CNTN4: variants seen among roughly 807,000 people sequenced by gnomAD.
CNTN4 encodes contactin 4.
Under a neutral mutation model 122.5 loss-of-function variants are expected in CNTN4, and 77 were observed. The ratio of observed to expected loss-of-function variants is 0.63; its 90% CI spans 0.52 to 0.76. CNTN4 has a LOEUF of 0.76. CNTN4 is among the 30% of genes least tolerant of loss of function. The probability of loss-of-function intolerance (pLI) is 0.00; values close to 1 mark genes in which losing one functional copy is unlikely to be tolerated. For synonymous variants in CNTN4, 512 were observed against 447.0 expected (o/e 1.15, Z -1.83); for missense variants, 1,256 against 1,259.1 (o/e 1.00, Z 0.04).
intron 3 of CNTN4, among the ~76,000 whole-genome samples, chr3:2,400,428 C>CATACATATATAT (rs1156582228): frequency 2.8e-4 from 27 of 95,824 alleles, no homozygotes; most frequent in Non-Finnish European, 4.4e-4. Flanking sequence ...TATATATATA[C>CATACATATATAT]ATATATATAT....
chr3:2,845,439 T>C (rs2093439803), intron 7 of CNTN4, among the ~76,000 whole-genome samples: 2 of 152,086 alleles, frequency 1.3e-5, no homozygotes, highest in South Asian at 4.1e-4. Context: ...ACTTTATTAG[T>C]AAATAAAGAT....
intron 6 of CNTN4, among the ~76,000 whole-genome samples, chr3:2,768,744 AATAGTT>A (rs1186089776): frequency 1.3e-5 from 2 of 152,210 alleles, no homozygotes; most frequent in Non-Finnish European, 2.9e-5. Flanking sequence ...AAAAATAACT[AATAGTT>A]AAGTTGTCTA....
At chr3:2,988,797 C>A in intron 14 of CNTN4, 1 of 306,998 alleles carries the variant, frequency 3.3e-6, no homozygotes, top group South Asian at 3.6e-5. Flanking sequence ...AAATTCATGT[C>A]TAGGAACACT....
At chr3:2,677,787 A>G (rs1258479328) in intron 4 of CNTN4, among the ~76,000 whole-genome samples, 2 of 152,144 alleles carry the variant, frequency 1.3e-5, no homozygotes, top group Non-Finnish European at 2.9e-5. Context: ...AAAAGGAGTG[A>G]ATGTTAGAAA....
chr3:3,021,414 G>A lies in CNTN4; in HGVS notation c.1487-4688G>A, dbSNP rs144806067. ...ATGATTAAAAATAATTCTCTGACCAGTCCCCTTATGTCATCTGAGGTTTGC... is the reference window on the plus strand; with the variant it reads ...ATGATTAAAAATAATTCTCTGACCAATCCCCTTATGTCATCTGAGGTTTGC... On this transcript the variant is annotated intron_variant, in intron 14 of 24. Transcript: ENST00000418658. Among the ~76,000 whole-genome samples, 647 of 152,254 alleles carry A rather than the reference G, an allele frequency of 4.2e-3. 5 individuals carry two copies. Among genetic ancestry groups the A allele is most frequent in the Non-Finnish European group, 5.6e-3 (379 of 68,022 alleles).
At chr3:2,924,084 T>C (rs948614917) in intron 12 of CNTN4, among the ~76,000 whole-genome samples, 5 of 152,134 alleles carry the variant, frequency 3.3e-5, no homozygotes, top group African/African-American at 1.2e-4. Context: ...CTAGATTCAT[T>C]TTTAAAATTT....
chr3:2,708,531 CA>C (rs2086883617), intron 4 of CNTN4, among the ~76,000 whole-genome samples: 4 of 152,292 alleles, frequency 2.6e-5, no homozygotes, highest in Admixed American at 2.6e-4. Flanking sequence ...GCAATCACTT[CA>C]GTGACAAAAC....
At chr3:2,349,813 A>G (rs1559475785) in intron 3 of CNTN4, among the ~76,000 whole-genome samples, 1 of 152,310 alleles carries the variant, frequency 6.6e-6, no homozygotes, top group East Asian at 1.9e-4. Flanking sequence ...TATATAACAC[A>G]TTGAGAATGT....
chr3:2,170,081 G>C (rs190728169), intron 2 of CNTN4, among the ~76,000 whole-genome samples: 1 of 152,086 alleles, frequency 6.6e-6, no homozygotes, highest in African/African-American at 2.4e-5. Context: ...CAGCACTTTG[G>C]GAGGCCGAGG....
At chr3:2,825,765 G>A (rs1576951917) in intron 7 of CNTN4, among the ~76,000 whole-genome samples, 3 of 152,268 alleles carry the variant, frequency 2.0e-5, no homozygotes. Context: ...ATTGGTGAAT[G>A]TATGGCTTCC....
In CNTN4 at chr3:2,600,711, T is replaced by TACCCTTTGGGTATAG. The variant is rs2081004172; in HGVS notation, c.55+29157_55+29158insTTTGGGTATAGACCC. On this transcript the variant is annotated intron_variant, in intron 4 of 24. Coordinates refer to ENST00000418658, the MANE Select transcript of CNTN4 (RefSeq NM_175607.3). ...CATGATTTATAGTCCTTTGGGTATA[T>TACCCTTTGGGTATAG]ACCCAGTAATGGGATGGCTGGGTCA... 3.9e-5 allele frequency among the ~76,000 whole-genome samples: 6 copies of TACCCTTTGGGTATAG among 152,362 alleles called. No homozygotes were observed. In the South Asian group the frequency reaches 1.2e-3, roughly 32 times the overall value.
chr3:2,665,903 TC>T (rs1260748844), intron 4 of CNTN4, among the ~76,000 whole-genome samples: 1 of 152,224 alleles, frequency 6.6e-6, no homozygotes, highest in Non-Finnish European at 1.5e-5. Context: ...CTGCCTTTTT[TC>T]GAAGGTTAGT....
intron 2 of CNTN4, among the ~76,000 whole-genome samples, chr3:2,292,745 T>C (rs2042179515): frequency 1.3e-5 from 2 of 152,222 alleles, no homozygotes; most frequent in African/African-American, 2.4e-5. Context: ...ATCAGTAGTG[T>C]GATCTTTTTC....
At chr3:2,119,793 A>G (rs1423786489) in intron 2 of CNTN4, among the ~76,000 whole-genome samples, 1 of 149,902 alleles carries the variant, frequency 6.7e-6, no homozygotes, top group East Asian at 2.0e-4. Flanking sequence ...AAAGAAAAGA[A>G]GTGGATATGG....
intron 4 of CNTN4, among the ~76,000 whole-genome samples, chr3:2,720,035 T>A (rs1026987267): frequency 1.3e-5 from 2 of 152,120 alleles, no homozygotes; most frequent in Non-Finnish European, 2.9e-5. Flanking sequence ...TTAACTCAAG[T>A]GTCTATCTTC....
chr3:2,470,816 G>A (rs780179023), intron 3 of CNTN4, among the ~76,000 whole-genome samples: 25 of 152,198 alleles, frequency 1.6e-4, no homozygotes, highest in South Asian at 8.3e-4. Context: ...AAGCTGAACT[G>A]AGGAAAGTTT....
chr3:2,386,198 A>C (rs1218566443), intron 3 of CNTN4, among the ~76,000 whole-genome samples: 1 of 151,560 alleles, frequency 6.6e-6, no homozygotes, highest in Non-Finnish European at 1.5e-5. Flanking sequence ...TTGAACTCAA[A>C]CATTCTCTGA....
Position 2,735,910 on chromosome 3 carries a change from G to T in CNTN4, c.56-305G>T, listed in dbSNP as rs188645941. The T allele has an allele frequency of 5.8e-4, 300 of 517,102 alleles. 1 individual carries two copies. The highest frequency in any genetic ancestry group is 5.4e-3 in the African/African-American group (285 of 52,442). 32.0% of individuals were successfully genotyped at this position (517,102 alleles called of 1,614,324 possible). On this transcript the variant is annotated intron_variant, in intron 4 of 24. Transcript: ENST00000418658. ...CGGGAAGCACAAAGTAAAGGGGTAG[G>T]CTAAAGACAAGCAGAACAATACATA... is the stretch of plus-strand genomic sequence containing the variant.
rs538093166 is a variant in CNTN4, at chr3:2,700,670, G to T, written c.56-35545G>T. Among the ~76,000 whole-genome samples the T allele has an allele frequency of 1.1e-4, 17 of 151,980 alleles. No homozygotes were observed. The South Asian group carries it at 3.5e-3, about 32-fold the overall frequency. The stretch of plus-strand genomic sequence containing the variant: ...TCCCCTGGCAAAAAAAAAAAGAAAG[G>T]ATTTTATCATCTATATGGATCAATT... On this transcript the variant is annotated intron_variant, in intron 4 of 24. Transcript: ENST00000418658.
Sources: allele counts gnomAD v4.1 joint callset (sites outside exome capture counted in the v4.1 genomes callset), GRCh38; gene constraint gnomAD v4.1.1; transcripts MANE v1.5; gene names NCBI Gene and HGNC (gene_info 2026-07-23, HGNC 2026-07-21).